EVL: variants seen among roughly 807,000 people sequenced by gnomAD.
EVL encodes the protein ena/VASP-like protein.
EVL carries 21 observed loss-of-function variants against 59.6 expected under a neutral mutation model. The ratio of observed to expected loss-of-function variants is 0.35; its 90% CI spans 0.25 to 0.51. EVL has a LOEUF of 0.51. EVL is among the 20% of genes least tolerant of loss of function. The pLI, the probability that EVL is intolerant of heterozygous loss-of-function variation, is 0.97. For synonymous variants in EVL, 198 were observed against 203.5 expected, an observed-to-expected ratio of 0.97 and a Z score of 0.23; for missense variants, 462 against 546.6, an observed-to-expected ratio of 0.85 and a Z score of 1.54.
chr14:100,096,789 T>G (rs960480063), intron 2 of EVL, among the ~76,000 whole-genome samples: 6 of 152,226 alleles, frequency 3.9e-5, no homozygotes, highest in African/African-American at 1.4e-4. Context: ...CACCTGAATG[T>G]CTGGATTCTG....
intron 1 of EVL, among the ~76,000 whole-genome samples, chr14:100,040,470 A>G (rs1426404881): frequency 6.6e-6 from 1 of 152,164 alleles, no homozygotes; most frequent in African/African-American, 2.4e-5. Flanking sequence ...GAGAGAAGGT[A>G]GAGTGTGGCT....
chr14:100,110,841 G>A (rs73349536), intron 3 of EVL, among the ~76,000 whole-genome samples: 4,207 of 152,304 alleles, frequency 0.028, 196 homozygotes, highest in African/African-American at 0.091. Context: ...GATTCCTTTG[G>A]AGTTTTAGTC....
chr14:100,104,280 C>T (rs886749384), intron 3 of EVL, among the ~76,000 whole-genome samples: 4 of 152,202 alleles, frequency 2.6e-5, no homozygotes, highest in African/African-American at 9.7e-5. Context: ...AAATCTTCTT[C>T]CTCTCAGGCA....
intron 3 of EVL, chr14:100,106,332 A>T (rs1450329720): frequency 6.6e-6 from 1 of 152,556 alleles, no homozygotes; most frequent in African/African-American, 2.4e-5. Flanking sequence ...AATCATACTT[A>T]ATTTTGTTTG....
intron 1 of EVL, among the ~76,000 whole-genome samples, chr14:100,040,039 C>T (rs2061444397): frequency 6.6e-6 from 1 of 152,158 alleles, no homozygotes; most frequent in Admixed American, 6.5e-5. Flanking sequence ...CTTGACTTCT[C>T]AAAGTGCTGG....
chr14:100,086,330 C>T (rs752350486), intron 2 of EVL, among the ~76,000 whole-genome samples: 10 of 152,192 alleles, frequency 6.6e-5, no homozygotes, highest in Non-Finnish European at 1.5e-4. Flanking sequence ...GAACCTTTGG[C>T]CCCAATTATG....
At chr14:99,977,924 C>G (rs2140168077) in intron 1 of EVL, 1 of 151,764 alleles carries the variant, frequency 6.6e-6, no homozygotes, top group South Asian at 2.1e-4. Flanking sequence ...GGCAAAACCC[C>G]CATCTCTACT....
intron 13 of EVL, among the ~76,000 whole-genome samples, chr14:100,142,963 C>T (rs1889281419): frequency 1.3e-5 from 2 of 152,202 alleles, no homozygotes; most frequent in African/African-American, 4.8e-5. Flanking sequence ...ATACCAGGGG[C>T]TCTGAGAAGC....
chr14:100,079,882 G>A (rs1056380386), intron 1 of EVL, among the ~76,000 whole-genome samples: 2 of 152,032 alleles, frequency 1.3e-5, no homozygotes, highest in East Asian at 1.9e-4. Context: ...ACGGAGGGCC[G>A]TGCTGCAAGA....
rs1364203688 is a variant in EVL at position 100,003,329 on chromosome 14, A to G, written c.5+31272A>G. The stretch of plus-strand genomic sequence containing the variant: ...GTGTCCTTTTTAGACCCAGGAGTCA[A>G]AGCCCTGTAACTCAGTGTCACAAGG... On this transcript the variant is annotated intron_variant, in intron 1 of 13. Transcript: ENST00000402714. Among the ~76,000 whole-genome samples, 9 of 152,348 alleles carry G rather than the reference A, an allele frequency of 5.9e-5. No individual in the cohort carries two copies. In the East Asian group the frequency reaches 1.7e-3, roughly 29 times the overall value.
intron 1 of EVL, among the ~76,000 whole-genome samples, chr14:100,035,271 G>GT (rs200771184): frequency 0.11 from 16,689 of 145,136 alleles, 1,000 homozygotes; most frequent in African/African-American, 0.13. Flanking sequence ...TTTATTATGT[G>GT]TTTTTTTTGG....
At chr14:100,067,063 G>A (rs1286363557) in intron 1 of EVL, among the ~76,000 whole-genome samples, 1 of 152,152 alleles carries the variant, frequency 6.6e-6, no homozygotes, top group Non-Finnish European at 1.5e-5. Context: ...TGTACGGGGA[G>A]CGGAGTAGTG....
chr14:100,132,826 C>T (rs1595244020), intron 8 of EVL, 47 bp downstream of exon 8: 4 of 1,603,510 alleles, frequency 2.5e-6, no homozygotes, highest in East Asian at 2.2e-5. Flanking sequence ...CTGAGATGAG[C>T]GCATCGCCAG....
chr14:100,032,541 T>A lies in EVL; in HGVS notation c.6-52146T>A, dbSNP rs577210019. ...CCATTGCCAGGACGGCTTTTCATTG[T>A]TTTCTACAGGTGGAGCCCTCCATGG... On this transcript the variant is annotated intron_variant, in intron 1 of 13. Transcript: ENST00000402714. Among the ~76,000 whole-genome samples the A allele has an allele frequency of 1.5e-4, 23 of 152,290 alleles. No homozygotes were observed. The South Asian group carries it at 4.8e-3, about 32-fold the overall frequency.
At chr14:100,087,256 T>G (rs2062465084) in intron 2 of EVL, among the ~76,000 whole-genome samples, 1 of 152,220 alleles carries the variant, frequency 6.6e-6, no homozygotes, top group Non-Finnish European at 1.5e-5. Flanking sequence ...AGCCAAAATC[T>G]AACCTAAATC....
At chr14:100,024,048 G>A (rs1419958726) in intron 1 of EVL, among the ~76,000 whole-genome samples, 3 of 152,146 alleles carry the variant, frequency 2.0e-5, no homozygotes, top group African/African-American at 7.2e-5. Context: ...GACTTATTCC[G>A]ATTTATTTCC....
At chr14:100,057,321 G>A (rs1297236892) in intron 1 of EVL, among the ~76,000 whole-genome samples, 1 of 152,180 alleles carries the variant, frequency 6.6e-6, no homozygotes, top group African/African-American at 2.4e-5. Context: ...GTCCACGGAA[G>A]TCTAAGGTCA....
intron 2 of EVL, among the ~76,000 whole-genome samples, chr14:100,087,415 A>G (rs971340997): frequency 7.2e-5 from 11 of 152,266 alleles, no homozygotes; most frequent in Admixed American, 5.2e-4. Flanking sequence ...GGAGTTCCAG[A>G]CCAGCCTGGG....
chr14:100,081,109 G>T (rs1362904180), intron 1 of EVL, among the ~76,000 whole-genome samples: 1 of 152,146 alleles, frequency 6.6e-6, no homozygotes, highest in Non-Finnish European at 1.5e-5. Context: ...GCGAAACCCT[G>T]TCTCTACAAT....
Sources: gnomAD v4.1 joint callset for allele counts (sites outside exome capture counted in the v4.1 genomes callset) on GRCh38, gnomAD v4.1.1 for gene constraint, MANE v1.5 for transcripts, NCBI Gene and HGNC (gene_info 2026-07-23, HGNC 2026-07-21) for gene names.